Variants in BICRAL observed in about 807,000 individuals in gnomAD.
BICRAL encodes BICRA like chromatin remodeling complex associated protein, also known as BRD4-interacting chromatin-remodeling complex-associated protein-like.
A neutral mutation model predicts 91.8 loss-of-function variants in BICRAL; 8 were observed. The observed-to-expected ratio is 0.09, with a 90% CI of 0.05 to 0.16. BICRAL has a LOEUF of 0.16. Ranked by LOEUF, BICRAL falls within the 10% of genes least tolerant of loss-of-function variation. The pLI is 1.00. For missense variants in BICRAL, 1,038 were observed against 1,310.9 expected, an observed-to-expected ratio of 0.79 and a Z score of 3.21; for synonymous variants, 445 against 491.1, an observed-to-expected ratio of 0.91 and a Z score of 1.24.
chr6:42,799,074 A>G (rs1287271746), intron 1 of BICRAL, among the ~76,000 whole-genome samples: 1 of 152,282 alleles, frequency 6.6e-6, no homozygotes, highest in East Asian at 1.9e-4. Context: ...TTTTTTACCC[A>G]GTAGAAATAT....
Position 42,796,116 on chromosome 6 carries a change from C to G in BICRAL, c.-102+14015C>G, listed in dbSNP as rs561627384. On this transcript the variant is annotated intron_variant, in intron 1 of 12. Transcript: ENST00000314073. Reference sequence around the variant, plus strand: ...TGTGCCAGGTGCCATTCTAGGCTCCCAGGATGCTGCAGTGAGCAAAAGACC... The same window carrying G: ...TGTGCCAGGTGCCATTCTAGGCTCCGAGGATGCTGCAGTGAGCAAAAGACC... Among the ~76,000 whole-genome samples, 3 of 152,314 alleles carry G rather than the reference C, an allele frequency of 2.0e-5. No individual in the cohort carries two copies. The South Asian group carries it at 6.2e-4, about 32-fold the overall frequency.
intron 1 of BICRAL, among the ~76,000 whole-genome samples, chr6:42,800,904 A>T (rs1419991687): frequency 7.2e-6 from 1 of 139,710 alleles, no homozygotes; most frequent in Admixed American, 7.0e-5. Flanking sequence ...GAGAGCAAAG[A>T]GTCAAGAGTT....
At chr6:42,792,372 CCT>C (rs1374190206) in intron 1 of BICRAL, among the ~76,000 whole-genome samples, 3 of 152,032 alleles carry the variant, frequency 2.0e-5, no homozygotes, top group Non-Finnish European at 2.9e-5. Flanking sequence ...TTCAAGCAGC[CCT>C]CTCACCTCAG....
chr6:42,811,000 C>A (rs190499066), intron 2 of BICRAL, among the ~76,000 whole-genome samples: 1 of 152,242 alleles, frequency 6.6e-6, no homozygotes, highest in East Asian at 1.9e-4. Context: ...TAATCTCTGC[C>A]GATGAACTCA....
chr6:42,766,520 T>C (rs1304581293), intron 1 of BICRAL, among the ~76,000 whole-genome samples: 6 of 152,184 alleles, frequency 3.9e-5, no homozygotes, highest in African/African-American at 9.7e-5. Flanking sequence ...CATCCTGTAA[T>C]GTGCTTGTGA....
chr6:42,776,613 G>T (rs1285775009), intron 1 of BICRAL, among the ~76,000 whole-genome samples: 1 of 152,152 alleles, frequency 6.6e-6, no homozygotes, highest in Non-Finnish European at 1.5e-5. Context: ...CTCCCAAAGT[G>T]TTAGGATTAC....
chr6:42,771,902 G>A (rs921324591), intron 1 of BICRAL, among the ~76,000 whole-genome samples: 3 of 152,200 alleles, frequency 2.0e-5, no homozygotes, highest in African/African-American at 4.8e-5. Context: ...TCCAATATTC[G>A]CATTTCTGCA....
chr6:42,752,551 A>G (rs1762395949), intron 1 of BICRAL, among the ~76,000 whole-genome samples: 1 of 151,926 alleles, frequency 6.6e-6, no homozygotes, highest in African/African-American at 2.4e-5. Context: ...GGCTCAAGCA[A>G]TTCTCCCATT....
At chr6:42,759,459 G>A (rs971428905) in intron 1 of BICRAL, among the ~76,000 whole-genome samples, 3 of 152,208 alleles carry the variant, frequency 2.0e-5, no homozygotes, top group Admixed American at 1.3e-4. Context: ...ATTGGGCTGC[G>A]ATGATGGGAG....
At chr6:42,812,894 G>C (rs1303840842) in intron 2 of BICRAL, among the ~76,000 whole-genome samples, 2 of 152,142 alleles carry the variant, frequency 1.3e-5, no homozygotes, top group African/African-American at 4.8e-5. Flanking sequence ...AATTAGCTGG[G>C]CATGATGGCA....
At chr6:42,847,209 C>T (rs988160706) in intron 6 of BICRAL, among the ~76,000 whole-genome samples, 4 of 152,074 alleles carry the variant, frequency 2.6e-5, no homozygotes, top group African/African-American at 7.2e-5. Context: ...AAGATCGTGC[C>T]ACTACACTAC....
intron 1 of BICRAL, among the ~76,000 whole-genome samples, chr6:42,765,807 T>A (rs1164473027): frequency 6.6e-6 from 1 of 152,106 alleles, no homozygotes; most frequent in African/African-American, 2.4e-5. Flanking sequence ...GCTTTTTTTT[T>A]AAGAACCTGT....
At position 42,825,818 on chromosome 6, in the gene BICRAL, G is replaced by A. The variant is rs146342474; in HGVS notation, c.160-2675G>A. Among the ~76,000 whole-genome samples, 1,069 of 115,388 alleles carry A rather than the reference G, an allele frequency of 9.3e-3. 5 individuals are homozygous for A. Among genetic ancestry groups the A allele is most frequent in the African/African-American group, 0.038 (931 of 24,458 alleles). The allele number at this position is 115,388 out of a possible 152,430, so 75.7% of individuals were successfully genotyped here. ...TAAGATACATATTTTGGCCAGGCAC[G>A]GTGGCTCACACCAACACTTGTGAGA... On this transcript the variant is annotated intron_variant, in intron 5 of 12. Coordinates refer to ENST00000314073, the MANE Select transcript of BICRAL (RefSeq NM_001393499.1).
At chr6:42,814,479 A>ATG (rs35473219) in intron 2 of BICRAL, among the ~76,000 whole-genome samples, 14,269 of 75,484 alleles carry the variant, frequency 0.19, 1,465 homozygotes, top group South Asian at 0.3. Flanking sequence ...ATATACATGC[A>ATG]TGTGTGTGTG....
At chr6:42,862,777 C>T (rs983667732) in intron 12 of BICRAL, among the ~76,000 whole-genome samples, 165 bp downstream of exon 12, 1 of 152,132 alleles carries the variant, frequency 6.6e-6, no homozygotes, top group Non-Finnish European at 1.5e-5. Flanking sequence ...CATCTACTTC[C>T]TTCTCCTCTT....
At chr6:42,797,716 G>A (rs191434236) in intron 1 of BICRAL, among the ~76,000 whole-genome samples, 9 of 152,228 alleles carry the variant, frequency 5.9e-5, no homozygotes, top group Non-Finnish European at 1.2e-4. Context: ...ACTCATACCT[G>A]TAATCCCAGT....
upstream of BICRAL, among the ~76,000 whole-genome samples, chr6:42,779,033 G>C (rs1762842050): frequency 6.6e-6 from 1 of 151,610 alleles, no homozygotes; most frequent in African/African-American, 2.4e-5. Context: ...CGCCATGTTG[G>C]TCAGGCTGGA....
intron 1 of BICRAL, among the ~76,000 whole-genome samples, chr6:42,794,703 G>A (rs1334507101): frequency 2.0e-5 from 3 of 150,922 alleles, no homozygotes; most frequent in Admixed American, 6.7e-5. Context: ...ACTCCTAGCA[G>A]TTTGCGAGGC....
chr6:42,832,830 T>C (rs1367427922), intron 6 of BICRAL, among the ~76,000 whole-genome samples: 1 of 152,086 alleles, frequency 6.6e-6, no homozygotes, highest in Non-Finnish European at 1.5e-5. Flanking sequence ...TGTGTATTTG[T>C]AACAGCAGGG....
Sources: gnomAD v4.1 joint callset for allele counts (sites outside exome capture counted in the v4.1 genomes callset) on GRCh38, gnomAD v4.1.1 for gene constraint, MANE v1.5 for transcripts, NCBI Gene and HGNC (gene_info 2026-07-23, HGNC 2026-07-21) for gene names.